The following HS6ST3 variants were observed in gnomAD, a reference collection of about 807,000 sequenced individuals.
HS6ST3 encodes heparan sulfate 6-O-sulfotransferase 3.
A neutral mutation model predicts 36.7 loss-of-function variants in HS6ST3; 12 were observed. The ratio of observed to expected loss-of-function variants is 0.33; its 90% confidence interval spans 0.21 to 0.53. The LOEUF (loss-of-function observed/expected upper bound fraction) is 0.53, where lower values mean the gene tolerates loss of function less well. Ranked by LOEUF, HS6ST3 falls within the 20% of genes least tolerant of loss-of-function variation. HS6ST3 has a pLI of 0.95. For missense variants in HS6ST3, 584 were observed against 640.9 expected (o/e 0.91, Z 0.96); for synonymous variants, 240 against 257.5 (o/e 0.93, Z 0.65).
In HS6ST3 at chr13:96,090,164, C is replaced by T. The variant is rs150316629; in HGVS notation, c.-699C>T. On this transcript the variant is annotated 5_prime_UTR_variant, in exon 1 of 2. Transcript: ENST00000376705. ...TGTGTGTGCGAGTGTGTCTGCGTGCCTGCGCCTGGGCGGACAGCCCGGAGC... is the reference window on the plus strand; with the variant it reads ...TGTGTGTGCGAGTGTGTCTGCGTGCTTGCGCCTGGGCGGACAGCCCGGAGC... Among the ~76,000 whole-genome samples the T allele has an allele frequency of 0.023, 3,547 of 152,154 alleles. 52 individuals are homozygous for T. Among genetic ancestry groups the T allele is most frequent in the Non-Finnish European group, 0.037 (2,525 of 67,930 alleles).
intron 1 of HS6ST3, among the ~76,000 whole-genome samples, chr13:96,436,161 G>A (rs2055640662): frequency 6.6e-6 from 1 of 152,166 alleles, no homozygotes; most frequent in Admixed American, 6.5e-5. Flanking sequence ...CTTGGAAACA[G>A]TCATTTGTTT....
intron 1 of HS6ST3, among the ~76,000 whole-genome samples, chr13:96,758,918 G>C (rs1876897986): frequency 6.6e-6 from 1 of 151,644 alleles, no homozygotes; most frequent in African/African-American, 2.4e-5. Flanking sequence ...AGAAAAATAT[G>C]TTACAATTTT....
intron 1 of HS6ST3, among the ~76,000 whole-genome samples, chr13:96,649,690 A>G (rs2056600893): frequency 6.6e-6 from 1 of 152,016 alleles, no homozygotes; most frequent in South Asian, 2.1e-4. Flanking sequence ...GGATTATGGT[A>G]GAAGCTGCTC....
chr13:96,112,602 T>C (rs200607974), intron 1 of HS6ST3, among the ~76,000 whole-genome samples: 17,537 of 116,416 alleles, frequency 0.15, 3,480 homozygotes, highest in Middle Eastern at 0.23. Flanking sequence ...TATATATATA[T>C]ATATATATAT....
chr13:96,332,790 C>T (rs1001936813), intron 1 of HS6ST3, among the ~76,000 whole-genome samples: 1 of 152,212 alleles, frequency 6.6e-6, no homozygotes, highest in Non-Finnish European at 1.5e-5. Context: ...ATATGTTCAT[C>T]AGAAACACAT....
Position 96,091,510 on chromosome 13 carries a change from C to A in HS6ST3, c.648C>A (p.Thr216=). 6.3e-7 allele frequency: 1 copy of A among 1,597,472 alleles called. No homozygotes were observed. The highest frequency in any genetic ancestry group is 8.5e-7 in the Non-Finnish European group (1 of 1,174,796). The change falls in exon 1 of 2, where the codon ACC becomes ACA. Residue 216 remains threonine (T), a synonymous_variant. Transcript: ENST00000376705. The part of the protein sequence containing the change: ...CGLHADWTEL[T]NCVPAIMEKK... ...TGCACGCCGACTGGACGGAGCTCACCAACTGCGTGCCGGCCATCATGGAGA... is the reference window on the plus strand; with the variant it reads ...TGCACGCCGACTGGACGGAGCTCACAAACTGCGTGCCGGCCATCATGGAGA...
chr13:96,405,791 G>A (rs901442405), intron 1 of HS6ST3, among the ~76,000 whole-genome samples: 4 of 152,174 alleles, frequency 2.6e-5, no homozygotes, highest in Non-Finnish European at 4.4e-5. Context: ...AGATTTCGGA[G>A]GATTGTTTAC....
intron 1 of HS6ST3, among the ~76,000 whole-genome samples, chr13:96,208,001 G>GA (rs1355948601): frequency 1.3e-5 from 2 of 152,008 alleles, no homozygotes; most frequent in African/African-American, 4.8e-5. Flanking sequence ...AAAAGTTGAA[G>GA]AAAAATACAC....
intron 1 of HS6ST3, among the ~76,000 whole-genome samples, chr13:96,336,279 G>C (rs2055100512): frequency 6.6e-6 from 1 of 152,102 alleles, no homozygotes; most frequent in African/African-American, 2.4e-5. Flanking sequence ...TGAGCTCTTT[G>C]AGCTGCTTCT....
intron 1 of HS6ST3, among the ~76,000 whole-genome samples, chr13:96,371,392 A>G (rs758659850): frequency 6.6e-6 from 1 of 152,218 alleles, no homozygotes; most frequent in African/African-American, 2.4e-5. Flanking sequence ...ATATACATGT[A>G]CAATGTGACA....
chr13:96,724,480 G>T (rs927779712), intron 1 of HS6ST3, among the ~76,000 whole-genome samples: 5 of 152,114 alleles, frequency 3.3e-5, no homozygotes, highest in Admixed American at 1.3e-4. Flanking sequence ...CCATCCATCA[G>T]CCCGGAACCT....
At chr13:96,226,934 T>C (rs891478263) in intron 1 of HS6ST3, among the ~76,000 whole-genome samples, 3 of 152,228 alleles carry the variant, frequency 2.0e-5, no homozygotes, top group Non-Finnish European at 4.4e-5. Context: ...CAGTAGTGTC[T>C]TGGTGCTCCA....
At chr13:96,384,727 C>G (rs1224992477) in intron 1 of HS6ST3, among the ~76,000 whole-genome samples, 1 of 152,166 alleles carries the variant, frequency 6.6e-6, no homozygotes, top group Non-Finnish European at 1.5e-5. Flanking sequence ...AAATTTCCAA[C>G]AACCTCAACC....
At chr13:96,486,571 G>A (rs2055916028) in intron 1 of HS6ST3, among the ~76,000 whole-genome samples, 6 of 152,198 alleles carry the variant, frequency 3.9e-5, no homozygotes. Context: ...ACTGGTGTGA[G>A]ATGGAATCTC....
chr13:96,625,896 A>G (rs191685167), intron 1 of HS6ST3, among the ~76,000 whole-genome samples: 4 of 151,536 alleles, frequency 2.6e-5, no homozygotes, highest in African/African-American at 9.7e-5. Flanking sequence ...GCTGGAATCC[A>G]GTGGCGCGAT....
At chr13:96,543,726 A>T (rs1177130965) in intron 1 of HS6ST3, among the ~76,000 whole-genome samples, 1 of 152,156 alleles carries the variant, frequency 6.6e-6, no homozygotes, top group Non-Finnish European at 1.5e-5. Flanking sequence ...ATAACTCTCC[A>T]GGAAAGTGTG....
chr13:96,736,387 A>T (rs1316176880), intron 1 of HS6ST3, among the ~76,000 whole-genome samples: 1 of 152,180 alleles, frequency 6.6e-6, no homozygotes, highest in African/African-American at 2.4e-5. Flanking sequence ...TTAGACAAAG[A>T]ATGGCAGTTT....
intron 1 of HS6ST3, among the ~76,000 whole-genome samples, chr13:96,254,479 A>T (rs1269067465): frequency 3.5e-5 from 1 of 28,354 alleles, no homozygotes; most frequent in African/African-American, 1.2e-4. Flanking sequence ...ATATATATAT[A>T]TATATATATA....
At chr13:96,362,751 T>C (rs561518894) in intron 1 of HS6ST3, among the ~76,000 whole-genome samples, 3 of 152,324 alleles carry the variant, frequency 2.0e-5, no homozygotes, top group Non-Finnish European at 4.4e-5. Context: ...AACCAGGTTT[T>C]CAATGGGTTA....
Sources: allele counts gnomAD v4.1 joint callset (sites outside exome capture counted in the v4.1 genomes callset), GRCh38; gene constraint gnomAD v4.1.1; transcripts MANE v1.5; gene names NCBI Gene and HGNC (gene_info 2026-07-23, HGNC 2026-07-21).